Variants in BAZ2B observed in about 807,000 individuals in gnomAD.
BAZ2B encodes the protein bromodomain adjacent to zinc finger domain protein 2B.
In BAZ2B, 91 loss-of-function variants were observed where a neutral mutation model predicts 246.0. The observed-to-expected ratio is 0.37, with a 90% CI of 0.31 to 0.44. The LOEUF is 0.44. Among genes scored for constraint, BAZ2B ranks in the 20% least tolerant of loss-of-function variants. The probability of loss-of-function intolerance (pLI) is 1.00; values close to 1 mark genes in which losing one functional copy is unlikely to be tolerated. For synonymous variants in BAZ2B, 855 were observed against 860.0 expected, an observed-to-expected ratio of 0.99 and a Z score of 0.10; for missense variants, 2,332 against 2,533.7, an observed-to-expected ratio of 0.92 and a Z score of 1.71.
Position 159,337,691 on chromosome 2 carries a change from C to T in BAZ2B, c.5536G>A (p.Glu1846Lys). 2.5e-6 allele frequency: 4 copies of T among 1,614,198 alleles called. No individual in the cohort carries two copies. The African/African-American group carries it at 4.0e-5, about 16-fold the overall frequency. ...EHKSFTKLCKEHDGEFTGEDE... is the reference protein window; with the variant it reads ...EHKSFTKLCKKHDGEFTGEDE... The stretch of plus-strand genomic sequence containing the variant: ...TCGCCAGTAAATTCTCCATCATGCT[C>T]CTTGCACAATTTAGTAAATGATTTA... The change falls in exon 32 of 37, where the codon GAG becomes AAG. Residue 1846 changes from glutamate (E) to lysine (K), a missense_variant. Glu to Lys is a moderately conservative substitution (Grantham distance 56, BLOSUM62 1). Coordinates refer to ENST00000392783, the MANE Select transcript of BAZ2B (RefSeq NM_013450.4).
chr2:159,367,817 G>A (rs374613638), intron 27 of BAZ2B, among the ~76,000 whole-genome samples: 15 of 152,250 alleles, frequency 9.9e-5, no homozygotes, highest in African/African-American at 2.9e-4. Context: ...GAAAGTGGGA[G>A]GTGGAGCTTG....
intron 1 of BAZ2B, among the ~76,000 whole-genome samples, chr2:159,592,590 T>G (rs1372643702): frequency 2.0e-5 from 3 of 152,230 alleles, no homozygotes; most frequent in Admixed American, 6.5e-5. Flanking sequence ...CCCACTCACT[T>G]TGGTGGAAGC....
chr2:159,427,310 G>A (rs751264922), intron 13 of BAZ2B, among the ~76,000 whole-genome samples: 1 of 152,026 alleles, frequency 6.6e-6, no homozygotes, highest in Non-Finnish European at 1.5e-5. Context: ...CTCCTTGGTG[G>A]GTTCTTTTTG....
At chr2:159,631,693 T>TA in the BAZ2B span, among the ~76,000 whole-genome samples, 7 of 152,350 alleles carry the variant, frequency 4.6e-5, no homozygotes, top group East Asian at 1.3e-3. Context: ...ATGTGTATTT[T>TA]AATAAATGAG....
the BAZ2B span, among the ~76,000 whole-genome samples, chr2:159,637,078 G>T: frequency 6.6e-6 from 1 of 152,214 alleles, no homozygotes; most frequent in Non-Finnish European, 1.5e-5. Flanking sequence ...CAGACTCTGA[G>T]ATGTACTGGC....
chr2:159,546,467 C>T (rs1368579215), intron 2 of BAZ2B, among the ~76,000 whole-genome samples: 3 of 147,894 alleles, frequency 2.0e-5, no homozygotes, highest in East Asian at 3.9e-4. Context: ...TAATCAGCAG[C>T]GTGAAAATGG....
chr2:159,331,073 G>A (rs1216892248), intron 34 of BAZ2B, among the ~76,000 whole-genome samples: 5 of 152,236 alleles, frequency 3.3e-5, no homozygotes, highest in South Asian at 4.2e-4. Context: ...AGGAGAAATT[G>A]GTGATGCAGG....
intron 27 of BAZ2B, among the ~76,000 whole-genome samples, chr2:159,351,842 T>C (rs2058598811): frequency 6.6e-6 from 1 of 152,184 alleles, no homozygotes. Flanking sequence ...AGTAATATGC[T>C]CACAAGTTAA....
chr2:159,350,499 T>C, intron 27 of BAZ2B, 142 bp from the exon 28 acceptor site: 1 of 635,178 alleles, frequency 1.6e-6, no homozygotes, highest in Non-Finnish European at 2.4e-6. Flanking sequence ...TATTTTCCTT[T>C]TTTATAGATT....
At chr2:159,369,582 T>C (rs978594315) in intron 27 of BAZ2B, among the ~76,000 whole-genome samples, 1 of 152,134 alleles carries the variant, frequency 6.6e-6, no homozygotes, top group Non-Finnish European at 1.5e-5. Flanking sequence ...TTCAGGTATT[T>C]TGAAGGAAAG....
chr2:159,388,354 G>C (rs370610593), intron 21 of BAZ2B, among the ~76,000 whole-genome samples: 1 of 152,078 alleles, frequency 6.6e-6, no homozygotes, highest in Non-Finnish European at 1.5e-5. Context: ...TGGTTGCCAA[G>C]ATTACAGCAA....
the BAZ2B span, among the ~76,000 whole-genome samples, chr2:159,641,177 C>A: frequency 2.0e-5 from 3 of 152,146 alleles, no homozygotes; most frequent in Admixed American, 1.3e-4. Context: ...CTAATTTACA[C>A]TACCATTAAC....
intron 2 of BAZ2B, among the ~76,000 whole-genome samples, chr2:159,483,175 A>C (rs1384698549): frequency 6.6e-6 from 1 of 152,102 alleles, no homozygotes; most frequent in African/African-American, 2.4e-5. Flanking sequence ...GCCATTCAAG[A>C]GATTATAGTT....
the BAZ2B span, among the ~76,000 whole-genome samples, chr2:159,711,653 A>G: frequency 6.6e-6 from 1 of 152,228 alleles, no homozygotes; most frequent in Non-Finnish European, 1.5e-5. Context: ...CCAAATCAAC[A>G]TATCATCTAA....
At chr2:159,498,620 G>C (rs2081398927) in intron 2 of BAZ2B, among the ~76,000 whole-genome samples, 1 of 152,102 alleles carries the variant, frequency 6.6e-6, no homozygotes, top group Non-Finnish European at 1.5e-5. Flanking sequence ...GACTATAACA[G>C]TGCATTTTTC....
intron 31 of BAZ2B, among the ~76,000 whole-genome samples, chr2:159,342,565 C>T (rs1335297980): frequency 1.3e-5 from 2 of 152,160 alleles, no homozygotes; most frequent in Non-Finnish European, 2.9e-5. Context: ...GGATTACAGG[C>T]ATGAGCCACT....
chr2:159,572,089 G>C (rs1048257121), intron 1 of BAZ2B, among the ~76,000 whole-genome samples: 1 of 152,162 alleles, frequency 6.6e-6, no homozygotes, highest in African/African-American at 2.4e-5. Flanking sequence ...GATTTGTAGA[G>C]TTTCCAAGTT....
intron 3 of BAZ2B, among the ~76,000 whole-genome samples, chr2:159,455,567 G>A (rs966676122): frequency 6.6e-6 from 1 of 151,972 alleles, no homozygotes; most frequent in African/African-American, 2.4e-5. Context: ...AAGAGGACAA[G>A]GAAAGGGCAT....
intron 25 of BAZ2B, 44 bp from the exon 26 acceptor site, chr2:159,374,797 T>A (rs370877259): frequency 1.0e-5 from 16 of 1,539,698 alleles, no homozygotes; most frequent in African/African-American, 6.8e-5. Flanking sequence ...TTTTAAGATT[T>A]ATTTATTCAA....
Sources: gnomAD v4.1 joint callset for allele counts (sites outside exome capture counted in the v4.1 genomes callset) on GRCh38, gnomAD v4.1.1 for gene constraint, MANE v1.5 for transcripts, NCBI Gene and HGNC (gene_info 2026-07-23, HGNC 2026-07-21) for gene names.